The following AMMECR1 variants were observed in gnomAD, a reference collection of about 807,000 sequenced individuals.
The protein encoded by AMMECR1 is nuclear protein AMMECR1.
AMMECR1 carries 3 observed loss-of-function variants against 22.5 expected under a neutral mutation model. That is an observed-to-expected ratio of 0.13 (90% confidence interval 0.06 to 0.35). AMMECR1 has a LOEUF of 0.35. Among genes scored for constraint, AMMECR1 ranks in the 10% least tolerant of loss-of-function variants. AMMECR1 has a pLI of 1.00. For missense variants in AMMECR1, 235 were observed against 278.7 expected, an observed-to-expected ratio of 0.84 and a Z score of 1.12; for synonymous variants, 130 against 116.7, an observed-to-expected ratio of 1.11 and a Z score of -0.74.
In AMMECR1 at chrX:110,271,278, C is replaced by A. The variant is rs1336759116; in HGVS notation, c.474-6679G>T. On this transcript the variant is annotated intron_variant, in intron 1 of 5. Transcript: ENST00000262844. Reference sequence around the variant, plus strand: ...TCTGAAAGCGGGGATCAGGACCAATCTTTCAATACTTTTCTTTGCCTGGTG... The same window carrying A: ...TCTGAAAGCGGGGATCAGGACCAATATTTCAATACTTTTCTTTGCCTGGTG... Among the ~76,000 whole-genome samples, 3 of 112,501 alleles carry A rather than the reference C, an allele frequency of 2.7e-5. No homozygotes were observed. The East Asian group carries it at 8.3e-4, about 31-fold the overall frequency.
intron 2 of AMMECR1, among the ~76,000 whole-genome samples, chrX:110,325,186 T>TA (rs1199844055): frequency 8.9e-6 from 1 of 112,024 alleles, no homozygotes; most frequent in East Asian, 2.8e-4. Context: ...TATGCATTCA[T>TA]AGTGTGTTTA....
chrX:110,198,272 A>C lies in AMMECR1; in HGVS notation c.*248T>G, dbSNP rs1381396689. The C allele has an allele frequency of 1.3e-5, 3 of 235,332 alleles. No homozygotes were observed. Among genetic ancestry groups the C allele is most frequent in the Non-Finnish European group, 2.3e-5 (3 of 132,632 alleles). 19.4% of individuals were successfully genotyped at this position (235,332 alleles called of 1,213,427 possible). A position where few individuals can be genotyped will look rare whatever the true frequency, so the allele number is the denominator to read the frequency against. The stretch of plus-strand genomic sequence containing the variant: ...CTACATAATATTATAAGGAAAAAAA[A>C]ACCCAAAATTATATATGCTGCAAAA... On this transcript the variant is annotated 3_prime_UTR_variant, in exon 6 of 6. Transcript: ENST00000262844.
intron 2 of AMMECR1, among the ~76,000 whole-genome samples, chrX:110,229,104 T>C (rs2067548851): frequency 8.9e-6 from 1 of 112,527 alleles, no homozygotes; most frequent in Non-Finnish European, 1.9e-5. Flanking sequence ...TATGTGATTC[T>C]TGATGTACTG....
chrX:110,365,080 G>C, intron 2 of AMMECR1, among the ~76,000 whole-genome samples: 1 of 111,831 alleles, frequency 8.9e-6, no homozygotes, highest in South Asian at 3.8e-4. Context: ...ACACTGGCCT[G>C]CTCACACCTT....
intron 2 of AMMECR1, among the ~76,000 whole-genome samples, chrX:110,405,094 C>G (rs868407925): frequency 1.5e-4 from 15 of 100,234 alleles, no homozygotes; most frequent in Non-Finnish European, 2.9e-4. Context: ...TGTGTCCCCC[C>G]CCCCCCCAAG....
chrX:110,432,896 C>T (rs181698485), intron 1 of AMMECR1, among the ~76,000 whole-genome samples: 67 of 112,764 alleles, frequency 5.9e-4, no homozygotes, highest in African/African-American at 2.2e-3. Flanking sequence ...TCAGACGCTT[C>T]TAGGAGAAGC....
At chrX:110,283,860 A>G (rs2067865308) in intron 1 of AMMECR1, among the ~76,000 whole-genome samples, 1 of 111,978 alleles carries the variant, frequency 8.9e-6, no homozygotes, top group East Asian at 2.8e-4. Context: ...AGTGGCTCAC[A>G]CCTGTAATCC....
chrX:110,334,907 C>T (rs906494264), intron 2 of AMMECR1, among the ~76,000 whole-genome samples: 8 of 111,107 alleles, frequency 7.2e-5, no homozygotes, highest in Non-Finnish European at 7.5e-5. Flanking sequence ...GTCTGGGTTG[C>T]CAGACTCTGC....
intron 2 of AMMECR1, among the ~76,000 whole-genome samples, chrX:110,330,055 A>G (rs1022840470): frequency 4.5e-5 from 5 of 111,548 alleles, no homozygotes; most frequent in Non-Finnish European, 7.5e-5. Flanking sequence ...CTCCATAAAA[A>G]AATTATGATT....
At chrX:110,336,694 GTC>G (rs1416448290) in intron 2 of AMMECR1, among the ~76,000 whole-genome samples, 6 of 108,739 alleles carry the variant, frequency 5.5e-5, no homozygotes, top group Non-Finnish European at 1.1e-4. Context: ...GCAAGACTCC[GTC>G]TCAAAAAAAA....
intron 2 of AMMECR1, among the ~76,000 whole-genome samples, chrX:110,228,260 T>C (rs1242799550): frequency 9.0e-6 from 1 of 111,440 alleles, no homozygotes; most frequent in Non-Finnish European, 1.9e-5. Context: ...CCCCATGAAA[T>C]AGACAAAGCT....
Position 110,333,683 on chromosome X carries a change from T to G in AMMECR1, c.-147-15834A>C, listed in dbSNP as rs183847166. 8.0e-4 allele frequency among the ~76,000 whole-genome samples: 89 copies of G among 111,307 alleles called. No individual in the cohort carries two copies. The South Asian group carries it at 8.0e-3, about 10-fold the overall frequency. On this transcript the variant is annotated intron_variant, in intron 2 of 7. Transcript: ENST00000372057. ...TTCATGTCCTTTGCAGGGACATGGA[T>G]GAAGCTGGAAATCATCATTCTCAGC...
intron 1 of AMMECR1, among the ~76,000 whole-genome samples, chrX:110,286,843 A>G (rs1469451425): frequency 9.0e-6 from 1 of 111,056 alleles, no homozygotes; most frequent in African/African-American, 3.3e-5. Flanking sequence ...TTACTACTGA[A>G]TTTTGATACC....
chrX:110,340,455 A>G (rs978817807), intron 2 of AMMECR1, among the ~76,000 whole-genome samples: 2 of 112,170 alleles, frequency 1.8e-5, no homozygotes, highest in African/African-American at 6.5e-5. Context: ...TGGGGCATCC[A>G]CATTGTCTCA....
At chrX:110,213,738 T>A (rs1266737169) in intron 3 of AMMECR1, among the ~76,000 whole-genome samples, 1 of 111,879 alleles carries the variant, frequency 8.9e-6, no homozygotes. Context: ...ATTCCCACAA[T>A]ACTATTACTC....
At chrX:110,293,963 G>A (rs774900911) in intron 1 of AMMECR1, among the ~76,000 whole-genome samples, 1 of 111,491 alleles carries the variant, frequency 9.0e-6, no homozygotes, top group Non-Finnish European at 1.9e-5. Context: ...TCTTACTAGA[G>A]TATAAACTTC....
At chrX:110,400,680 T>C (rs2068558427) in intron 2 of AMMECR1, among the ~76,000 whole-genome samples, 1 of 112,113 alleles carries the variant, frequency 8.9e-6, no homozygotes, top group Non-Finnish European at 1.9e-5. Context: ...ATTTTCTCTG[T>C]GAAGCTTTCT....
At chrX:110,368,186 T>A (rs2068311821) in intron 2 of AMMECR1, among the ~76,000 whole-genome samples, 1 of 109,828 alleles carries the variant, frequency 9.1e-6, no homozygotes, top group African/African-American at 3.3e-5. Flanking sequence ...GCTATAACCT[T>A]AATCCAAGCC....
intron 2 of AMMECR1, among the ~76,000 whole-genome samples, chrX:110,352,352 T>C (rs895200060): frequency 2.7e-5 from 3 of 112,666 alleles, no homozygotes; most frequent in African/African-American, 6.4e-5. Flanking sequence ...AATGGTGGTA[T>C]ACCCATACAA....
Sources: gnomAD v4.1 joint callset for allele counts (sites outside exome capture counted in the v4.1 genomes callset) on GRCh38, gnomAD v4.1.1 for gene constraint, MANE v1.5 for transcripts, NCBI Gene and HGNC (gene_info 2026-07-23, HGNC 2026-07-21) for gene names.